Variants in UBOX5 observed in about 807,000 individuals in gnomAD.
UBOX5 encodes RING finger protein 37.
In UBOX5, 28 loss-of-function variants were observed where a neutral mutation model predicts 39.0. The ratio of observed to expected loss-of-function variants is 0.72; its 90% confidence interval spans 0.53 to 0.98. The LOEUF (loss-of-function observed/expected upper bound fraction) is 0.98. UBOX5 is among the 50% of genes least tolerant of loss of function. UBOX5 has a pLI of 0.00. For missense variants in UBOX5, 585 were observed against 674.4 expected, an observed-to-expected ratio of 0.87 and a Z score of 1.47; for synonymous variants, 283 against 275.5, an observed-to-expected ratio of 1.03 and a Z score of -0.27.
At chr20:3,159,442 C>A (rs1486924435) in intron 1 of UBOX5, among the ~76,000 whole-genome samples, 3 of 152,208 alleles carry the variant, frequency 2.0e-5, no homozygotes, top group African/African-American at 4.8e-5. Flanking sequence ...ATGAGAGGCG[C>A]GGCAGAATAT....
At chr20:3,157,647 G>A (rs758252749) in intron 1 of UBOX5, among the ~76,000 whole-genome samples, 6 of 152,156 alleles carry the variant, frequency 3.9e-5, no homozygotes, top group African/African-American at 7.2e-5. Context: ...TATAACAACA[G>A]GCAGTAGGCA....
In UBOX5 at chr20:3,109,846, C is replaced by G; in HGVS notation, c.*260G>C. On this transcript the variant is annotated 3_prime_UTR_variant, in exon 5 of 5. Coordinates refer to ENST00000217173, the MANE Select transcript of UBOX5 (RefSeq NM_014948.4). ...CTTCCTGCCTAGGGTGGGGCTGGCT[C>G]CAGTGGGTCCTGGGCTCAGGCAGGG... 18 of 544,888 alleles carry G rather than the reference C, an allele frequency of 3.3e-5. No homozygotes were observed. In the South Asian group the frequency reaches 3.7e-4, roughly 11 times the overall value. 33.8% of individuals were successfully genotyped at this position (544,888 alleles called of 1,614,324 possible).
intron 1 of UBOX5, among the ~76,000 whole-genome samples, chr20:3,135,445 A>T (rs1384645274): frequency 6.6e-6 from 1 of 152,212 alleles, no homozygotes; most frequent in Non-Finnish European, 1.5e-5. Context: ...CATGCCACTT[A>T]GCTATGGAGG....
In UBOX5 at chr20:3,109,890, GGACATCCC is replaced by G. The variant is rs1451284702; in HGVS notation, c.*208_*215del. On this transcript the variant is annotated 3_prime_UTR_variant, in exon 5 of 5. Transcript: ENST00000217173. ...GGCAGGGGGGGTGGCAGGGAGGCAGGGACATCCCCCCGCCCTCTGGCCTATGGCTTTGT... is the reference window on the plus strand; with the variant it reads ...GGCAGGGGGGGTGGCAGGGAGGCAGGCCCGCCCTCTGGCCTATGGCTTTGT... 34 of 619,516 alleles carry G rather than the reference GGACATCCC, an allele frequency of 5.5e-5. No homozygotes were observed. Among genetic ancestry groups the G allele is most frequent in the Non-Finnish European group, 8.7e-5 (31 of 357,148 alleles). The allele number at this position is 619,516 out of a possible 1,614,324, so 38.4% of individuals were successfully genotyped here.
In UBOX5 at chr20:3,127,297, A is replaced by C. The variant is rs150405374; in HGVS notation, c.-41-3891T>G. 2.3e-3 allele frequency among the ~76,000 whole-genome samples: 357 copies of C among 152,272 alleles called. 2 individuals carry two copies. The highest frequency in any genetic ancestry group is 8.3e-3 in the African/African-American group (346 of 41,550). On this transcript the variant is annotated intron_variant, in intron 1 of 4. Transcript: ENST00000217173. ...CACCCTCTGGGCCCCTTTTGCTGTC[A>C]AAATCAGTAGGAGCCACTTGCAGGA...
chr20:3,158,967 T>C (rs547011035), intron 1 of UBOX5, among the ~76,000 whole-genome samples: 1 of 152,178 alleles, frequency 6.6e-6, no homozygotes, highest in Non-Finnish European at 1.5e-5. Context: ...CAGTTGGTGC[T>C]AACGCAGCTG....
intron 1 of UBOX5, chr20:3,151,893 T>A (rs1330437280): frequency 6.6e-6 from 1 of 150,444 alleles, no homozygotes; most frequent in Non-Finnish European, 1.5e-5. Context: ...TCACTTGAGG[T>A]CAGGAGTTCG....
At chr20:3,136,452 C>G (rs1055195236) in intron 1 of UBOX5, among the ~76,000 whole-genome samples, 1 of 151,904 alleles carries the variant, frequency 6.6e-6, no homozygotes, top group Non-Finnish European at 1.5e-5. Flanking sequence ...CTCCCAGGTT[C>G]AAGCAATTCT....
chr20:3,158,562 CT>C (rs1298746518), intron 1 of UBOX5, among the ~76,000 whole-genome samples: 2 of 152,206 alleles, frequency 1.3e-5, no homozygotes, highest in Admixed American at 1.3e-4. Flanking sequence ...CACACTCCGC[CT>C]CCCGGGGTTC....
chr20:3,139,795 CGT>C (rs2066501008), intron 1 of UBOX5, among the ~76,000 whole-genome samples: 1 of 151,282 alleles, frequency 6.6e-6, no homozygotes, highest in African/African-American at 2.4e-5. Flanking sequence ...CTGCAACCTC[CGT>C]CTCCTGGGTT....
intron 1 of UBOX5, chr20:3,148,984 T>C (rs766403475): frequency 6.2e-7 from 1 of 1,614,242 alleles, no homozygotes; most frequent in South Asian, 1.1e-5. Context: ...CATTCCAGTA[T>C]GACACACTTC....
chr20:3,137,819 C>T (rs1446911289), intron 1 of UBOX5, among the ~76,000 whole-genome samples: 1 of 152,216 alleles, frequency 6.6e-6, no homozygotes, highest in African/African-American at 2.4e-5. Context: ...AAATACTCTA[C>T]TTCCACAGAA....
intron 1 of UBOX5, among the ~76,000 whole-genome samples, chr20:3,142,342 T>C (rs771990101): frequency 1.2e-4 from 19 of 152,082 alleles, no homozygotes; most frequent in Admixed American, 1.1e-3. Flanking sequence ...GGCTTATGCC[T>C]GTAATCTCAG....
At chr20:3,132,850 G>T (rs2066440160) in intron 1 of UBOX5, among the ~76,000 whole-genome samples, 1 of 151,472 alleles carries the variant, frequency 6.6e-6, no homozygotes, top group African/African-American at 2.4e-5. Context: ...GCTGGGTGGG[G>T]TTGTGTACAC....
chr20:3,147,990 T>C, intron 1 of UBOX5: 1 of 1,614,220 alleles, frequency 6.2e-7, no homozygotes, highest in East Asian at 2.2e-5. Flanking sequence ...CGGAACATTT[T>C]AACAATATTC....
intron 3 of UBOX5, among the ~76,000 whole-genome samples, chr20:3,120,661 AG>A (rs2066328225): frequency 6.6e-6 from 1 of 151,706 alleles, no homozygotes; most frequent in Non-Finnish European, 1.5e-5. Flanking sequence ...AAAAAAAAAA[AG>A]ATTGTTGCAA....
intron 1 of UBOX5, among the ~76,000 whole-genome samples, chr20:3,152,479 G>A (rs1416345183): frequency 6.6e-6 from 1 of 152,028 alleles, no homozygotes; most frequent in Middle Eastern, 3.2e-3. Flanking sequence ...TGCAGCCCGG[G>A]CGATAGTGCA....
intron 1 of UBOX5, among the ~76,000 whole-genome samples, chr20:3,145,062 A>C (rs918734870): frequency 2.0e-5 from 3 of 152,244 alleles, no homozygotes; most frequent in Non-Finnish European, 2.9e-5. Flanking sequence ...CTAAGGACAA[A>C]CAACCACATC....
At chr20:3,151,067 T>TG (rs2066619182) in intron 1 of UBOX5, among the ~76,000 whole-genome samples, 1 of 151,874 alleles carries the variant, frequency 6.6e-6, no homozygotes, top group Non-Finnish European at 1.5e-5. Context: ...TGTGTGTGTG[T>TG]TTGTGTGTGT....
Sources: gnomAD v4.1 joint callset for allele counts (sites outside exome capture counted in the v4.1 genomes callset) on GRCh38, gnomAD v4.1.1 for gene constraint, MANE v1.5 for transcripts, NCBI Gene and HGNC (gene_info 2026-07-23, HGNC 2026-07-21) for gene names.